SLC25A12: variants seen among roughly 807,000 people sequenced by gnomAD.
SLC25A12 encodes electrogenic aspartate/glutamate antiporter SLC25A12, mitochondrial.
SLC25A12 carries 32 observed loss-of-function variants against 83.3 expected under a neutral mutation model. The ratio of observed to expected loss-of-function variants is 0.38; its 90% CI spans 0.29 to 0.52. The LOEUF is 0.52. Among genes scored for constraint, SLC25A12 ranks in the 20% least tolerant of loss-of-function variants. The probability of loss-of-function intolerance (pLI) is 0.84; values close to 1 mark genes in which losing one functional copy is unlikely to be tolerated. For missense variants in SLC25A12, 611 were observed against 835.6 expected (o/e 0.73, Z 3.31); for synonymous variants, 267 against 291.1 (o/e 0.92, Z 0.84).
intron 5 of SLC25A12, among the ~76,000 whole-genome samples, chr2:171,842,390 C>T (rs1439058478): frequency 2.0e-5 from 3 of 151,792 alleles, no homozygotes; most frequent in Non-Finnish European, 2.9e-5. Flanking sequence ...GTCAGGAGTT[C>T]GAGACTAGCC....
At chr2:171,835,259 TG>T (rs1684531592) in intron 6 of SLC25A12, among the ~76,000 whole-genome samples, 1 of 152,250 alleles carries the variant, frequency 6.6e-6, no homozygotes, top group Non-Finnish European at 1.5e-5. Context: ...TTTTTAACCT[TG>T]TTTTTTTCCT....
At chr2:171,829,415 G>C (rs1684383233) in intron 8 of SLC25A12, among the ~76,000 whole-genome samples, 1 of 151,952 alleles carries the variant, frequency 6.6e-6, no homozygotes, top group Admixed American at 6.5e-5. Flanking sequence ...CCTCCTTTTT[G>C]CAAGGGCCAC....
At chr2:171,877,870 C>A (rs1685607539) in intron 2 of SLC25A12, among the ~76,000 whole-genome samples, 1 of 151,898 alleles carries the variant, frequency 6.6e-6, no homozygotes, top group African/African-American at 2.4e-5. Flanking sequence ...TAAACAGATC[C>A]TTTGATGTTT....
At chr2:171,844,667 C>A (rs989503093) in intron 4 of SLC25A12, among the ~76,000 whole-genome samples, 159 bp from the exon 5 acceptor site, 1 of 152,028 alleles carries the variant, frequency 6.6e-6, no homozygotes, top group South Asian at 2.1e-4. Flanking sequence ...AGAAACCATG[C>A]GCAGGAACAC....
Position 171,787,869 on chromosome 2 carries a change from G to A in SLC25A12, c.1664C>T (p.Thr555Met), listed in dbSNP as rs765650566. ...ACAGTCGATGACACCACTGTATGTC[G>A]TCTGGCCAGCGCGGGCAGCCACCTG... is the stretch of plus-strand genomic sequence containing the variant. The part of the protein sequence containing the change: ...RLQVAARAGQ[T>M]TYSGVIDCFR... Residue 555 changes from threonine to methionine, a missense_variant, in exon 16 of 18, where the codon ACG becomes ATG. Physicochemically the swap from Thr to Met is moderately conservative, Grantham distance 81. Transcript: ENST00000422440. The A allele has an allele frequency of 2.1e-5, 34 of 1,614,196 alleles. No homozygotes were observed. Among genetic ancestry groups the A allele is most frequent in the East Asian group, 4.5e-5 (2 of 44,890 alleles).
chr2:171,877,524 G>T (rs950510714), intron 2 of SLC25A12, among the ~76,000 whole-genome samples: 9 of 151,904 alleles, frequency 5.9e-5, no homozygotes, highest in African/African-American at 4.8e-5. Flanking sequence ...AATTAGCCAG[G>T]CCTGATGGTG....
chr2:171,795,735 T>C (rs943333520), intron 13 of SLC25A12, among the ~76,000 whole-genome samples: 23 of 152,182 alleles, frequency 1.5e-4, no homozygotes, highest in African/African-American at 5.1e-4. Flanking sequence ...TAGTAAATTA[T>C]AACATCCTGC....
At chr2:171,802,618 T>C (rs1394195211) in intron 13 of SLC25A12, among the ~76,000 whole-genome samples, 1 of 151,756 alleles carries the variant, frequency 6.6e-6, no homozygotes, top group African/African-American at 2.4e-5. Context: ...CTACTAAAAA[T>C]ACAAAAAATT....
chr2:171,817,654 A>G (rs1487974676), intron 9 of SLC25A12, among the ~76,000 whole-genome samples: 1 of 148,842 alleles, frequency 6.7e-6, no homozygotes, highest in Non-Finnish European at 1.5e-5. Flanking sequence ...CCCCACTTAG[A>G]GTTTCTCAAT....
chr2:171,802,998 CAT>C (rs1003878202), intron 13 of SLC25A12, among the ~76,000 whole-genome samples: 4 of 151,618 alleles, frequency 2.6e-5, no homozygotes, highest in Non-Finnish European at 4.4e-5. Context: ...CATGTGCACA[CAT>C]ATGTCTATGC....
intron 13 of SLC25A12, 84 bp downstream of exon 13, chr2:171,809,522 A>AT: frequency 9.8e-7 from 1 of 1,019,486 alleles, no homozygotes; most frequent in South Asian, 1.3e-5. Flanking sequence ...TTCAAGAGAA[A>AT]TGCCACTAAG....
At chr2:171,849,502 C>G (rs1222481233) in intron 4 of SLC25A12, among the ~76,000 whole-genome samples, 1 of 144,980 alleles carries the variant, frequency 6.9e-6, no homozygotes, top group Non-Finnish European at 1.5e-5. Flanking sequence ...ATAGAATTTT[C>G]ATTTCTTTTT....
chr2:171,848,889 T>A (rs2105899158), intron 4 of SLC25A12, among the ~76,000 whole-genome samples: 1 of 152,204 alleles, frequency 6.6e-6, no homozygotes, highest in Middle Eastern at 3.4e-3. Flanking sequence ...GAAAGATGAG[T>A]TCATATTTAA....
chr2:171,815,921 A>C (rs1167484568), intron 9 of SLC25A12, among the ~76,000 whole-genome samples: 1 of 152,048 alleles, frequency 6.6e-6, no homozygotes, highest in Non-Finnish European at 1.5e-5. Context: ...CGTCTTAATT[A>C]TATATACATA....
chr2:171,865,055 GCTTT>G (rs1685256780), intron 3 of SLC25A12, among the ~76,000 whole-genome samples: 1 of 152,066 alleles, frequency 6.6e-6, no homozygotes, highest in South Asian at 2.1e-4. Context: ...AGTACTTACA[GCTTT>G]CTAACATACC....
intron 10 of SLC25A12, 109 bp from the exon 11 acceptor site, chr2:171,813,606 T>C (rs1683990833): frequency 8.4e-7 from 1 of 1,189,676 alleles, no homozygotes; most frequent in South Asian, 1.2e-5. Context: ...ACAACATGTA[T>C]TCTCACAAAA....
intron 2 of SLC25A12, among the ~76,000 whole-genome samples, chr2:171,889,080 C>T (rs1685880257): frequency 6.6e-6 from 1 of 151,910 alleles, no homozygotes; most frequent in Non-Finnish European, 1.5e-5. Flanking sequence ...TCCCTATTTC[C>T]CCTCCTCCTC....
At chr2:171,818,390 A>C (rs564624863) in intron 9 of SLC25A12, among the ~76,000 whole-genome samples, 1 of 152,140 alleles carries the variant, frequency 6.6e-6, no homozygotes, top group South Asian at 2.1e-4. Context: ...CCTACTCCCT[A>C]AGCATATGTG....
intron 13 of SLC25A12, among the ~76,000 whole-genome samples, chr2:171,802,422 G>C (rs192620285): frequency 5.9e-5 from 9 of 151,970 alleles, no homozygotes; most frequent in Admixed American, 5.9e-4. Flanking sequence ...AAGTTTGTTT[G>C]AGAAGATTTT....
Sources: gnomAD v4.1 joint callset for allele counts (sites outside exome capture counted in the v4.1 genomes callset) on GRCh38, gnomAD v4.1.1 for gene constraint, MANE v1.5 for transcripts, NCBI Gene and HGNC (gene_info 2026-07-23, HGNC 2026-07-21) for gene names.